RBFOX1: variants seen among roughly 807,000 people sequenced by gnomAD.
RBFOX1 encodes the protein RNA binding protein fox-1 homolog 1.
RBFOX1 carries 8 observed loss-of-function variants against 57.7 expected under a neutral mutation model. The ratio of observed to expected loss-of-function variants is 0.14; its 90% CI spans 0.08 to 0.25. The LOEUF is 0.25. Among genes scored for constraint, RBFOX1 ranks in the 10% least tolerant of loss-of-function variants. RBFOX1 has a pLI of 1.00. For synonymous variants in RBFOX1, 326 were observed against 222.4 expected, an observed-to-expected ratio of 1.47 and a Z score of -4.15; for missense variants, 611 against 548.5, an observed-to-expected ratio of 1.11 and a Z score of -1.14.
At chr16:6,659,995 G>A (rs1177495433) in intron 3 of RBFOX1, among the ~76,000 whole-genome samples, 1 of 152,034 alleles carries the variant, frequency 6.6e-6, no homozygotes, top group Non-Finnish European at 1.5e-5. Context: ...CTTTTGGAGG[G>A]TGAGGCGGCC....
At chr16:5,897,994 A>C (rs1470265014) in intron 4 of RBFOX1, among the ~76,000 whole-genome samples, 1 of 152,106 alleles carries the variant, frequency 6.6e-6, no homozygotes, top group Non-Finnish European at 1.5e-5. Context: ...ATAAAGACAT[A>C]CCTGAAACTG....
intron 4 of RBFOX1, among the ~76,000 whole-genome samples, chr16:7,355,268 G>A (rs1418709028): frequency 2.0e-5 from 3 of 152,170 alleles, no homozygotes; most frequent in African/African-American, 7.2e-5. Flanking sequence ...GCCTCAGCCA[G>A]CAACTCAGAG....
intron 3 of RBFOX1, among the ~76,000 whole-genome samples, chr16:5,653,031 T>G (rs1002898870): frequency 1.7e-4 from 25 of 148,824 alleles, no homozygotes; most frequent in Middle Eastern, 3.6e-3. Flanking sequence ...TGGGCTTCTG[T>G]GCGGAAAGTG....
At chr16:5,450,659 C>T (rs1302157238) in intron 1 of RBFOX1, among the ~76,000 whole-genome samples, 1 of 152,170 alleles carries the variant, frequency 6.6e-6, no homozygotes, top group Non-Finnish European at 1.5e-5. Context: ...GGATTGTTCT[C>T]TGAGGTCAGA....
At position 6,279,510 on chromosome 16, in the gene RBFOX1, C is replaced by A; in HGVS notation, c.-126-37485C>A. Among the ~76,000 whole-genome samples, 2 of 152,076 alleles carry A rather than the reference C, an allele frequency of 1.3e-5. 1 individual carries two copies. Among genetic ancestry groups the A allele is most frequent in the Non-Finnish European group, 2.9e-5 (2 of 68,022 alleles). On this transcript the variant is annotated intron_variant, in intron 1 of 15. Coordinates refer to ENST00000550418, the MANE Select transcript of RBFOX1 (RefSeq NM_018723.4). ...GCAGGGGATAAAGATTCCATGGAAACTTTAAACAATTGGGACTGATGGATT... is the reference window on the plus strand; with the variant it reads ...GCAGGGGATAAAGATTCCATGGAAAATTTAAACAATTGGGACTGATGGATT...
intron 4 of RBFOX1, among the ~76,000 whole-genome samples, chr16:7,066,239 A>C (rs944294544): frequency 3.9e-5 from 6 of 152,216 alleles, no homozygotes; most frequent in African/African-American, 1.4e-4. Context: ...TGGAGCTGGG[A>C]ATTGAACCCA....
chr16:5,320,885 C>G (rs897862308), intron 1 of RBFOX1, among the ~76,000 whole-genome samples: 7 of 152,206 alleles, frequency 4.6e-5, no homozygotes, highest in African/African-American at 9.6e-5. Flanking sequence ...CCATTACATT[C>G]TGTCTCCTGC....
chr16:7,168,565 A>T (rs2080046470), intron 4 of RBFOX1, among the ~76,000 whole-genome samples: 1 of 152,098 alleles, frequency 6.6e-6, no homozygotes. Context: ...CACACACAGA[A>T]GAAAGAAGTT....
chr16:5,891,993 C>T (rs551827422), intron 4 of RBFOX1, among the ~76,000 whole-genome samples: 9 of 152,272 alleles, frequency 5.9e-5, no homozygotes, highest in South Asian at 2.1e-4. Context: ...TGCTGGGTAT[C>T]GGGGAGAGGG....
chr16:6,772,346 A>G (rs1005754845), intron 3 of RBFOX1, among the ~76,000 whole-genome samples: 1 of 152,064 alleles, frequency 6.6e-6, no homozygotes, highest in Non-Finnish European at 1.5e-5. Flanking sequence ...TATCCAAATA[A>G]TTTATTTATG....
chr16:6,032,302 A>G (rs1033486426), intron 1 of RBFOX1, among the ~76,000 whole-genome samples: 1 of 152,158 alleles, frequency 6.6e-6, no homozygotes, highest in African/African-American at 2.4e-5. Context: ...GATTGGTGGA[A>G]TTGCCACTTA....
At chr16:7,668,434 A>T (rs1392321382) in intron 13 of RBFOX1, among the ~76,000 whole-genome samples, 1 of 152,194 alleles carries the variant, frequency 6.6e-6, no homozygotes, top group Non-Finnish European at 1.5e-5. Context: ...TGTGAGCCAG[A>T]CACGAAGGGA....
At chr16:7,301,780 C>G (rs191713128) in intron 4 of RBFOX1, among the ~76,000 whole-genome samples, 1 of 152,038 alleles carries the variant, frequency 6.6e-6, no homozygotes, top group Non-Finnish European at 1.5e-5. Flanking sequence ...CGAACCCGTC[C>G]GTACAGCAGA....
upstream of RBFOX1, among the ~76,000 whole-genome samples, chr16:6,018,240 G>C (rs1025610957): frequency 2.0e-5 from 3 of 152,170 alleles, no homozygotes; most frequent in Admixed American, 6.5e-5. Context: ...GGAAAAGGTA[G>C]GGGAAGAGCA....
intron 4 of RBFOX1, among the ~76,000 whole-genome samples, chr16:7,174,941 G>T (rs2081366131): frequency 1.3e-5 from 2 of 152,188 alleles, no homozygotes; most frequent in African/African-American, 4.8e-5. Flanking sequence ...TGCCATTCTA[G>T]TGGGTATGTG....
intron 4 of RBFOX1, among the ~76,000 whole-genome samples, chr16:7,293,340 C>T (rs2095830964): frequency 6.6e-6 from 1 of 152,124 alleles, no homozygotes; most frequent in Non-Finnish European, 1.5e-5. Context: ...AAATACTACA[C>T]ATCTGTAGAT....
chr16:6,654,298 A>C (rs1007843083), intron 2 of RBFOX1, among the ~76,000 whole-genome samples: 1 of 152,182 alleles, frequency 6.6e-6, no homozygotes, highest in African/African-American at 2.4e-5. Flanking sequence ...AATTGTATGG[A>C]GGGCAGATTA....
At chr16:7,351,205 C>G (rs1431206756) in intron 4 of RBFOX1, among the ~76,000 whole-genome samples, 1 of 152,242 alleles carries the variant, frequency 6.6e-6, no homozygotes, top group Non-Finnish European at 1.5e-5. Context: ...GCCAGCCTCA[C>G]TCACTGTTAG....
intron 1 of RBFOX1, among the ~76,000 whole-genome samples, chr16:5,427,672 A>C (rs2020162): frequency 0.62 from 94,650 of 151,944 alleles, 29,589 homozygotes; most frequent in East Asian, 0.67. Context: ...CAGGACATAG[A>C]CAAGGTTACG....
Sources: gnomAD v4.1 joint callset for allele counts (sites outside exome capture counted in the v4.1 genomes callset) on GRCh38, gnomAD v4.1.1 for gene constraint, MANE v1.5 for transcripts, NCBI Gene and HGNC (gene_info 2026-07-23, HGNC 2026-07-21) for gene names.